FBXO25: variants seen among roughly 807,000 people sequenced by gnomAD.
FBXO25 encodes the protein F-box protein 25, also known as F-box only protein 25.
FBXO25 carries 45 observed loss-of-function variants against 51.9 expected under a neutral mutation model. That is an observed-to-expected ratio of 0.87 (90% CI 0.68 to 1.11). The LOEUF is 1.11. FBXO25 is among the 50% of genes most tolerant of loss of function. FBXO25 has a pLI of 0.00. For synonymous variants in FBXO25, 199 were observed against 151.0 expected (o/e 1.32, Z -2.33); for missense variants, 507 against 428.5 (o/e 1.18, Z -1.62).
chr8:417,597 G>T (rs1234538791), intron 2 of FBXO25, among the ~76,000 whole-genome samples: 6 of 152,194 alleles, frequency 3.9e-5, no homozygotes, highest in Non-Finnish European at 8.8e-5. Context: ...CCTTGGGTCT[G>T]TGCCTAGGAA....
chr8:443,697 G>T (rs1717300188), intron 5 of FBXO25, among the ~76,000 whole-genome samples: 1 of 151,496 alleles, frequency 6.6e-6, no homozygotes, highest in African/African-American at 2.4e-5. Flanking sequence ...CTACCTCGGG[G>T]CAGCGGTGGG....
At position 412,550 on chromosome 8, in the gene FBXO25, C is replaced by T. The variant is rs185213993; in HGVS notation, c.-7-523C>T. On this transcript the variant is annotated intron_variant, in intron 1 of 9. Transcript: ENST00000350302. ...GATTGAATCACTTACCTGCTTACTT[C>T]CCTTTTTTGGCCCCTCATTGCCCTC... Among the ~76,000 whole-genome samples, 35 of 152,272 alleles carry T rather than the reference C, an allele frequency of 2.3e-4. No homozygotes were observed. The East Asian group carries it at 4.6e-3, about 20-fold the overall frequency.
chr8:466,097 A>G (rs1457430771), intron 9 of FBXO25, among the ~76,000 whole-genome samples: 2 of 152,170 alleles, frequency 1.3e-5, no homozygotes, highest in Non-Finnish European at 2.9e-5. Flanking sequence ...CTCCCACTGA[A>G]TATCATTCTA....
chr8:426,404 C>G (rs1797481931), intron 2 of FBXO25, among the ~76,000 whole-genome samples: 2 of 152,096 alleles, frequency 1.3e-5, no homozygotes, highest in African/African-American at 2.4e-5. Context: ...TACAAAGCCA[C>G]TCACGAGTCC....
Position 458,357 on chromosome 8 carries a change from T to C in FBXO25, c.661-12T>C, listed in dbSNP as rs1232571394. The stretch of plus-strand genomic sequence containing the variant: ...ATCTTCTCAGTGAGTTGCTGTTGTG[T>C]TTTCCTTTCAGCAAGTGAACAATGG... On this transcript the variant is annotated splice_polypyrimidine_tract_variant and intron_variant, in intron 7 of 9. Coordinates refer to ENST00000350302, the MANE Select transcript of FBXO25 (RefSeq NM_183420.2). The C allele has an allele frequency of 6.2e-7, 1 of 1,611,066 alleles. No homozygotes were observed. The highest frequency in any genetic ancestry group is 1.7e-5 in the Admixed American group (1 of 59,848).
intron 2 of FBXO25, among the ~76,000 whole-genome samples, chr8:418,333 CTTTTTT>C (rs1207244013): frequency 1.4e-5 from 1 of 72,336 alleles, no homozygotes; most frequent in Non-Finnish European, 2.5e-5. Flanking sequence ...TTTGTTTGTT[CTTTTTT>C]TTTTTTTTTT....
chr8:413,198 A>C lies in FBXO25; in HGVS notation c.119A>C (p.Asn40Thr). Residue 40 changes from asparagine to threonine, a missense_variant, in exon 2 of 10, where the codon AAC becomes ACC. Asn to Thr is a moderately conservative substitution (Grantham distance 65, BLOSUM62 0). Transcript: ENST00000350302. ...CTTGAAAGAGAGAATAACCGTTGTAACATCAGTCACAGCATGTAAGTTACA... is the reference window on the plus strand; with the variant it reads ...CTTGAAAGAGAGAATAACCGTTGTACCATCAGTCACAGCATGTAAGTTACA... ...QKLERENNRC[N>T]ISHSIILNSE... 1.9e-6 allele frequency: 3 copies of C among 1,598,336 alleles called. No individual in the cohort carries two copies. The highest frequency in any genetic ancestry group is 2.6e-6 in the Non-Finnish European group (3 of 1,174,448).
chr8:410,618 CAT>C (rs1325453513), intron 1 of FBXO25, among the ~76,000 whole-genome samples: 2 of 152,148 alleles, frequency 1.3e-5, no homozygotes, highest in Non-Finnish European at 2.9e-5. Flanking sequence ...TCTTGAAAAT[CAT>C]AAAATCAGCT....
In FBXO25 at chr8:445,775, G is replaced by T. The variant is rs140873736; in HGVS notation, c.382-4215G>T. Among the ~76,000 whole-genome samples, 1,265 of 152,314 alleles carry T rather than the reference G, an allele frequency of 8.3e-3. 12 individuals are homozygous for T. Among genetic ancestry groups the T allele is most frequent in the African/African-American group, 0.029 (1,200 of 41,554 alleles). ...AATGCCAGCTACTGGGGAAGCTGAG[G>T]CTAGAGAATCGCTTGAACCCAGGAA... On this transcript the variant is annotated intron_variant, in intron 5 of 9. Transcript: ENST00000350302.
At chr8:419,100 C>T (rs1796995406) in intron 2 of FBXO25, among the ~76,000 whole-genome samples, 2 of 152,148 alleles carry the variant, frequency 1.3e-5, no homozygotes, top group African/African-American at 2.4e-5. Flanking sequence ...TGGCGCAGGC[C>T]TGTAATCCCA....
At chr8:418,942 G>T (rs1350332374) in intron 2 of FBXO25, among the ~76,000 whole-genome samples, 1 of 152,116 alleles carries the variant, frequency 6.6e-6, no homozygotes, top group Non-Finnish European at 1.5e-5. Flanking sequence ...AAAGTTTTAA[G>T]AAGAAAACAG....
chr8:410,313 C>G (rs1796412711), intron 1 of FBXO25, among the ~76,000 whole-genome samples: 1 of 152,120 alleles, frequency 6.6e-6, no homozygotes, highest in Admixed American at 6.5e-5. Flanking sequence ...CTAAATTGCA[C>G]ACTTTTGAGG....
intron 2 of FBXO25, among the ~76,000 whole-genome samples, chr8:425,847 T>G (rs1227224979): frequency 1.3e-5 from 2 of 152,114 alleles, no homozygotes; most frequent in African/African-American, 4.8e-5. Flanking sequence ...TTGTTCTATT[T>G]TATTTGCTTT....
intron 8 of FBXO25, among the ~76,000 whole-genome samples, chr8:461,715 G>C (rs1419475116): frequency 6.6e-6 from 1 of 152,148 alleles, no homozygotes; most frequent in African/African-American, 2.4e-5. Flanking sequence ...TTCTGTCTCT[G>C]TGTTTCCCTG....
At chr8:453,579 G>A (rs1427981997) in intron 7 of FBXO25, among the ~76,000 whole-genome samples, 1 of 152,172 alleles carries the variant, frequency 6.6e-6, no homozygotes, top group Admixed American at 6.5e-5. Context: ...GCTGCTTAAG[G>A]TAAAGACCTG....
intron 2 of FBXO25, among the ~76,000 whole-genome samples, chr8:427,278 GA>G (rs1283571195): frequency 1.3e-5 from 2 of 151,832 alleles, no homozygotes; most frequent in Non-Finnish European, 2.9e-5. Context: ...TGATCGAAAG[GA>G]AATGTCAGAG....
intron 7 of FBXO25, among the ~76,000 whole-genome samples, chr8:454,668 G>C (rs1799303496): frequency 6.6e-6 from 1 of 152,150 alleles, no homozygotes; most frequent in African/African-American, 2.4e-5. Context: ...GAGGTGGGCA[G>C]ATCACAAGGT....
In FBXO25 at chr8:441,265, A is replaced by G. The variant is rs183751617; in HGVS notation, c.381+5558A>G. Among the ~76,000 whole-genome samples the G allele has an allele frequency of 1.2e-3, 185 of 152,354 alleles. 1 individual carries two copies. The highest frequency in any genetic ancestry group is 4.3e-3 in the African/African-American group (180 of 41,582). On this transcript the variant is annotated intron_variant, in intron 5 of 9. Coordinates refer to ENST00000350302, the MANE Select transcript of FBXO25 (RefSeq NM_183420.2). ...AACCTGACAAAAACAAGCAATGGCT[A>G]AAGGATTCCCTATTTAATAAATGGT... is the stretch of plus-strand genomic sequence containing the variant.
chr8:427,634 G>T lies in FBXO25; in HGVS notation c.135-3707G>T, dbSNP rs186647383. Among the ~76,000 whole-genome samples the T allele has an allele frequency of 4.6e-4, 67 of 146,964 alleles. 3 individuals carry two copies. The highest frequency in any genetic ancestry group is 2.6e-3 in the Admixed American group (39 of 14,874). ...CCAAAATCAAGGGCTTGGCAGGGTT[G>T]CTTCCTACTGGCCACTCAGGGAAGT... On this transcript the variant is annotated intron_variant, in intron 2 of 9. Transcript: ENST00000350302.
Sources: gnomAD v4.1 joint callset for allele counts (sites outside exome capture counted in the v4.1 genomes callset) on GRCh38, gnomAD v4.1.1 for gene constraint, MANE v1.5 for transcripts, NCBI Gene and HGNC (gene_info 2026-07-23, HGNC 2026-07-21) for gene names.